Variants in OSBPL5 observed in about 807,000 individuals in gnomAD.
OSBPL5 encodes the protein oxysterol-binding protein-related protein 5.
In OSBPL5, 71 loss-of-function variants were observed where a neutral mutation model predicts 111.2. That is an observed-to-expected ratio of 0.64 (90% confidence interval 0.53 to 0.78). The LOEUF is 0.78. Among genes scored for constraint, OSBPL5 ranks in the 30% least tolerant of loss-of-function variants. The pLI is 0.00. For synonymous variants in OSBPL5, 549 were observed against 513.9 expected, an observed-to-expected ratio of 1.07 and a Z score of -0.93; for missense variants, 1,210 against 1,189.3, an observed-to-expected ratio of 1.02 and a Z score of -0.26.
chr11:3,106,846 C>A lies in OSBPL5; in HGVS notation c.1059+417G>T, dbSNP rs1166729920. 6.6e-6 allele frequency among the ~76,000 whole-genome samples: 1 copy of A among 152,142 alleles called. No individual in the cohort carries two copies. The highest frequency in any genetic ancestry group is 1.5e-5 in the Non-Finnish European group (1 of 68,012). Reference sequence around the variant, plus strand: ...TGGCTCTCCCAGGGCCCCAGGAGAGCACCAGGTGTGCAGGTGCCTGTGAGC... The same window carrying A: ...TGGCTCTCCCAGGGCCCCAGGAGAGAACCAGGTGTGCAGGTGCCTGTGAGC... On this transcript the variant is annotated intron_variant, in intron 9 of 21. Coordinates refer to ENST00000263650, the MANE Select transcript of OSBPL5 (RefSeq NM_020896.4). This position sits in a 1 kb window ranked among gnomAD's most constrained non-coding sequence, Gnocchi z 8.4.
intron 7 of OSBPL5, 130 bp downstream of exon 7, chr11:3,119,417 C>G (rs1858323082): frequency 1.1e-6 from 1 of 919,732 alleles, no homozygotes. Context: ...TCATCCTGGC[C>G]AGACTTCAGG....
chr11:3,123,941 G>C (rs1385126394), intron 3 of OSBPL5, among the ~76,000 whole-genome samples: 1 of 152,244 alleles, frequency 6.6e-6, no homozygotes, highest in East Asian at 1.9e-4. Flanking sequence ...CTGGGCACCA[G>C]GCTTGGCCTT....
chr11:3,093,867 G>T, intron 15 of OSBPL5, 32 bp from the exon 16 acceptor site: 1 of 1,596,148 alleles, frequency 6.3e-7, no homozygotes. Flanking sequence ...AGAGCCCAGT[G>T]AGCGGGGGCT....
chr11:3,136,802 G>A (rs1845960163), intron 1 of OSBPL5, among the ~76,000 whole-genome samples: 1 of 152,254 alleles, frequency 6.6e-6, no homozygotes, highest in African/African-American at 2.4e-5. Context: ...GGGGCAGAGA[G>A]GAGGCTCTGG....
chr11:3,147,588 C>A (rs886265753), intron 1 of OSBPL5, among the ~76,000 whole-genome samples: 1 of 152,258 alleles, frequency 6.6e-6, no homozygotes, highest in East Asian at 1.9e-4. Context: ...CGAATCGAGG[C>A]GCCAAGTGCT....
At chr11:3,128,990 C>T in intron 2 of OSBPL5, 23 bp downstream of exon 2, 5 of 1,504,952 alleles carry the variant, frequency 3.3e-6, no homozygotes, top group Non-Finnish European at 4.4e-6. Flanking sequence ...GGCCAGGTTG[C>T]CCTGCCCACG....
At chr11:3,116,003 CAAATTAT>C (rs1016311551) in intron 7 of OSBPL5, among the ~76,000 whole-genome samples, 3 of 151,654 alleles carry the variant, frequency 2.0e-5, no homozygotes, top group African/African-American at 7.3e-5. Context: ...TTTCCAAAAT[CAAATTAT>C]AAATTATGTC....
intron 2 of OSBPL5, among the ~76,000 whole-genome samples, chr11:3,127,757 C>A (rs1247259356): frequency 6.6e-6 from 1 of 152,060 alleles, no homozygotes; most frequent in African/African-American, 2.4e-5. Flanking sequence ...GGCCCTTGGA[C>A]CACTCAAAGG....
At chr11:3,093,908 C>A in intron 15 of OSBPL5, 73 bp from the exon 16 acceptor site, 3 of 1,515,616 alleles carry the variant, frequency 2.0e-6, no homozygotes, top group Middle Eastern at 3.4e-4. Context: ...CTCATGGGGG[C>A]ACGGAACAGT....
Position 3,090,639 on chromosome 11 carries a change from G to A in OSBPL5, c.2317C>T (p.Gln773Ter), listed in dbSNP as rs1857024836. The change falls in exon 20 of 22, where the codon CAG (glutamine) becomes TAG (stop). Residue 773 changes from glutamine (Q) to a stop codon, truncating the protein, a stop_gained. Coordinates refer to ENST00000263650, the MANE Select transcript of OSBPL5 (RefSeq NM_020896.4). LOFTEE classifies it high-confidence loss of function. ...KASDQPSGHS[Q>*]ATESSGSTPE... ...GTGGATCCGCTGCTCTCCGTGGCCT[G>A]GCTGTGGCCGGAGGGCTGGTCGCTG... 1 of 1,612,714 alleles carries A rather than the reference G, an allele frequency of 6.2e-7. No individual in the cohort carries two copies. The highest frequency in any genetic ancestry group is 1.7e-5 in the Admixed American group (1 of 59,996).
chr11:3,123,628 C>A (rs563472863), intron 3 of OSBPL5, among the ~76,000 whole-genome samples: 43 of 152,336 alleles, frequency 2.8e-4, no homozygotes, highest in African/African-American at 9.9e-4. Context: ...TCCAGCGGAG[C>A]CTCTAGGGCG....
At chr11:3,123,281 G>A (rs888740191) in intron 3 of OSBPL5, among the ~76,000 whole-genome samples, 5 of 152,194 alleles carry the variant, frequency 3.3e-5, no homozygotes, top group Non-Finnish European at 5.9e-5. Flanking sequence ...AGCAAGCTAC[G>A]ACCCGAATCC....
intron 1 of OSBPL5, among the ~76,000 whole-genome samples, chr11:3,134,018 G>A (rs1845884924): frequency 6.6e-6 from 1 of 152,024 alleles, no homozygotes. Flanking sequence ...GGTCCCCAGT[G>A]CCCAGCTCTG....
At chr11:3,095,565 A>T (rs542776259) in intron 14 of OSBPL5, among the ~76,000 whole-genome samples, 318 of 152,322 alleles carry the variant, frequency 2.1e-3, no homozygotes, top group African/African-American at 7.1e-3. Context: ...AAGATGGGGC[A>T]ATTTCAATAT....
chr11:3,115,829 T>C (rs1383846610), intron 7 of OSBPL5, among the ~76,000 whole-genome samples: 1 of 152,060 alleles, frequency 6.6e-6, no homozygotes, highest in Non-Finnish European at 1.5e-5. Context: ...GGGCTTATTG[T>C]TTGGAAAACT....
chr11:3,094,157 C>A, intron 15 of OSBPL5, 80 bp downstream of exon 15: 1 of 1,372,446 alleles, frequency 7.3e-7, no homozygotes, highest in Admixed American at 1.9e-5. Flanking sequence ...TTCCTTGGGG[C>A]CTGGGGAGAG....
rs11828515 is a variant in OSBPL5 at position 3,122,063 on chromosome 11, G to A, written c.336C>T (p.Arg112=). ...GAGCGCTGAGCAGCTGCCGTGTGGC[G>A]CGCTTCTTCTCCTGCCGGTAGTTCT... is the stretch of plus-strand genomic sequence containing the variant. The part of the protein sequence containing the change: ...QKENYRQEKK[R]ATRQLLSALT... The change falls in exon 5 of 22, where the codon CGC becomes CGT. Residue 112 remains arginine, a synonymous_variant. Coordinates refer to ENST00000263650, the MANE Select transcript of OSBPL5 (RefSeq NM_020896.4). 3.5e-4 allele frequency: 550 copies of A among 1,580,258 alleles called. 1 individual carries two copies. In the African/African-American group the frequency reaches 5.4e-3, roughly 15 times the overall value.
chr11:3,100,133 C>T (rs76619732), intron 14 of OSBPL5, 25 bp downstream of exon 14: 22,429 of 1,606,526 alleles, frequency 0.014, 181 homozygotes, highest in Non-Finnish European at 0.017. Flanking sequence ...GCTCTGCCCT[C>T]GGAGTGTGTG....
rs1857623203 is a variant in OSBPL5, at chr11:3,104,301, C to T, written c.1136G>A (p.Arg379Gln). ...SLMWTLLKQL[R>Q]PGMDLSRVVL... ...CACGCGGGACAGGTCCATGCCTGGC[C>T]GTAGCTGCTTCAGCAGGGTCCACAT... Residue 379 changes from arginine to glutamine, a missense_variant, in exon 10 of 22, where the codon CGG becomes CAG. Transcript: ENST00000263650. This position sits in a 1 kb window ranked among gnomAD's most constrained non-coding sequence, Gnocchi z 5.0. 9 of 1,613,754 alleles carry T rather than the reference C, an allele frequency of 5.6e-6. No homozygotes were observed. Among genetic ancestry groups the T allele is most frequent in the Admixed American group, 1.7e-5 (1 of 60,022 alleles).
Sources: gnomAD v4.1 joint callset for allele counts (sites outside exome capture counted in the v4.1 genomes callset) on GRCh38, gnomAD v4.1.1 for gene constraint, Gnocchi (gnomAD v3.1) non-coding constraint, MANE v1.5 for transcripts, NCBI Gene and HGNC (gene_info 2026-07-23, HGNC 2026-07-21) for gene names.